The following CHERP variants were observed in gnomAD, a reference collection of about 807,000 sequenced individuals.
CHERP encodes the protein calcium homeostasis endoplasmic reticulum protein.
A neutral mutation model predicts 113.8 loss-of-function variants in CHERP; 8 were observed. That is an observed-to-expected ratio of 0.07 (90% confidence interval 0.04 to 0.13). The LOEUF is 0.13. Ranked by LOEUF, CHERP falls within the 10% of genes least tolerant of loss-of-function variation. CHERP has a pLI of 1.00. For missense variants in CHERP, 884 were observed against 1,298.2 expected, an observed-to-expected ratio of 0.68 and a Z score of 4.90; for synonymous variants, 559 against 524.5, an observed-to-expected ratio of 1.07 and a Z score of -0.90.
At chr19:16,540,860 G>C (rs1189005747) in intron 2 of CHERP, among the ~76,000 whole-genome samples, 1 of 148,676 alleles carries the variant, frequency 6.7e-6, no homozygotes, top group Admixed American at 6.7e-5. Flanking sequence ...ACCACACCCG[G>C]CTAATTTTTG....
chr19:16,519,387 G>A lies in CHERP; in HGVS notation c.2558-35C>T. The A allele has an allele frequency of 3.1e-6, 5 of 1,596,670 alleles. No individual in the cohort carries two copies. The highest frequency in any genetic ancestry group is 4.3e-6 in the Non-Finnish European group (5 of 1,172,250). On this transcript the variant is annotated intron_variant, in intron 16 of 16. Coordinates refer to ENST00000546361, the MANE Select transcript of CHERP (RefSeq NM_006387.6). This position sits in a 1 kb window ranked among gnomAD's most constrained non-coding sequence, Gnocchi z 6.0. ...GAGACGCAGTCACAACCACAACAAG[G>A]CGGAGGCAGATGGGGGTGCACGTGG...
Position 16,535,131 on chromosome 19 carries a change from G to A in CHERP, c.384+321C>T, listed in dbSNP as rs1195675700. On this transcript the variant is annotated intron_variant, in intron 3 of 16. Transcript: ENST00000546361. This position sits in a 1 kb window ranked among gnomAD's most constrained non-coding sequence, Gnocchi z 4.3. Reference sequence around the variant, plus strand: ...CAGGTGACCTAGCTACTGTGTGGTGGGGCCAATGGTAGGCACCAGAGGCTG... The same window carrying A: ...CAGGTGACCTAGCTACTGTGTGGTGAGGCCAATGGTAGGCACCAGAGGCTG... Among the ~76,000 whole-genome samples, 1 of 152,204 alleles carries A rather than the reference G, an allele frequency of 6.6e-6. No individual in the cohort carries two copies. The highest frequency in any genetic ancestry group is 1.5e-5 in the Non-Finnish European group (1 of 68,026).
intron 8 of CHERP, among the ~76,000 whole-genome samples, chr19:16,528,669 C>T (rs2085673301): frequency 6.6e-6 from 1 of 152,212 alleles, no homozygotes; most frequent in African/African-American, 2.4e-5. Flanking sequence ...AAATCCTTTG[C>T]TAGGCCGGGT....
chr19:16,529,434 T>G (rs939231153), intron 8 of CHERP, among the ~76,000 whole-genome samples: 2 of 152,194 alleles, frequency 1.3e-5, no homozygotes, highest in Admixed American at 6.5e-5. Context: ...AGGAAACAGA[T>G]CTTCTGCTGT....
At position 16,523,820 on chromosome 19, in the gene CHERP, C is replaced by T. The variant is rs568229603; in HGVS notation, c.1742-530G>A. Among the ~76,000 whole-genome samples, 12 of 152,308 alleles carry T rather than the reference C, an allele frequency of 7.9e-5. No individual in the cohort carries two copies. Among genetic ancestry groups the T allele is most frequent in the African/African-American group, 2.2e-4 (9 of 41,568 alleles). On this transcript the variant is annotated intron_variant, in intron 10 of 16. Transcript: ENST00000546361. This position sits in a 1 kb window ranked among gnomAD's most constrained non-coding sequence, Gnocchi z 4.0. ...ACACCTCCACCTTGGACCTCCAGCCCCCAGATCCTTAAGACAATACATTCC... is the reference window on the plus strand; with the variant it reads ...ACACCTCCACCTTGGACCTCCAGCCTCCAGATCCTTAAGACAATACATTCC...
Position 16,542,356 on chromosome 19 carries a change from T to G in CHERP, c.23A>C (p.Asp8Ala). The G allele has an allele frequency of 7.1e-7, 1 of 1,399,140 alleles. No individual in the cohort carries two copies. Among genetic ancestry groups the G allele is most frequent in the African/African-American group, 1.5e-5 (1 of 66,888 alleles). The allele number at this position is 1,399,140 out of a possible 1,614,324, so 86.7% of individuals were successfully genotyped here. Reference sequence around the variant, plus strand: ...CTCTCGGCCGGTTTGGGTCTCACCATCGGGGGGCAGCGGCATCTCCATGGC... The same window carrying G: ...CTCTCGGCCGGTTTGGGTCTCACCAGCGGGGGGCAGCGGCATCTCCATGGC... The part of the protein sequence containing the change: MEMPLPP[D>A]DQELRNVIDK... The change falls in exon 1 of 17, where the codon GAT becomes GCT. Residue 8 changes from aspartate (D) to alanine (A), a missense_variant and splice_region_variant. By Grantham distance (126) the Asp-to-Ala change is moderately radical. Transcript: ENST00000546361.
chr19:16,539,576 C>T (rs2085764288), intron 2 of CHERP: 1 of 152,180 alleles, frequency 6.6e-6, no homozygotes, highest in Admixed American at 6.6e-5. Context: ...GCATCTCAAA[C>T]CTAAATAGGC....
At chr19:16,533,266 C>T in intron 3 of CHERP, 118 bp from the exon 4 acceptor site, 2 of 950,712 alleles carry the variant, frequency 2.1e-6, no homozygotes, top group Admixed American at 2.5e-5. Flanking sequence ...GGACTCTGGG[C>T]TGCTCTGGCC....
chr19:16,525,531 G>C lies in CHERP; in HGVS notation c.1452C>G (p.Pro484=). The C allele has an allele frequency of 6.5e-7, 1 of 1,547,698 alleles. No individual in the cohort carries two copies. The highest frequency in any genetic ancestry group is 8.7e-7 in the Non-Finnish European group (1 of 1,148,986). ...CGAACTGGCTGTTCCAGGCGGCGTC[G>C]GGCTGGTTGTTCCAGGGCGCGTCGC... The part of the protein sequence containing the change: ...GQRDAPWNNQ[P]DAAWNSQFEG... Residue 484 remains proline, a synonymous_variant, in exon 10 of 17, where the codon CCC becomes CCG. Transcript: ENST00000546361. This position sits in a 1 kb window ranked among gnomAD's most constrained non-coding sequence, Gnocchi z 6.5.
rs563126686 is a variant in CHERP at position 16,531,232 on chromosome 19, G to A, written c.675-352C>T. On this transcript the variant is annotated intron_variant, in intron 5 of 16. Transcript: ENST00000546361. The stretch of plus-strand genomic sequence containing the variant: ...GCGGGAGCCCCTGCCTGTGTATGAT[G>A]GGCGGGATGGGACTGCTGCGGAGTG... Among the ~76,000 whole-genome samples the A allele has an allele frequency of 1.1e-4, 16 of 152,362 alleles. No homozygotes were observed. In the South Asian group the frequency reaches 2.7e-3, roughly 26 times the overall value.
rs958830395 is a variant in CHERP at position 16,535,644 on chromosome 19, G to C, written c.200-8C>G. On this transcript the variant is annotated splice_polypyrimidine_tract_variant and splice_region_variant and intron_variant, in intron 2 of 16. Coordinates refer to ENST00000546361, the MANE Select transcript of CHERP (RefSeq NM_006387.6). This position sits in a 1 kb window ranked among gnomAD's most constrained non-coding sequence, Gnocchi z 4.3. ...TCTGCTGCTTGCAGATGACTGGAGG[G>C]AGAGGAGGAGGGGTGCCCCATGAGA... 2 of 1,501,248 alleles carry C rather than the reference G, an allele frequency of 1.3e-6. No individual in the cohort carries two copies. The highest frequency in any genetic ancestry group is 1.8e-6 in the Non-Finnish European group (2 of 1,126,618). 93.0% of individuals were successfully genotyped at this position (1,501,248 alleles called of 1,614,324 possible).
rs2085592540 is a variant in CHERP at position 16,519,899 on chromosome 19, GC to G, written c.2463-185del. 3.0e-6 allele frequency: 2 copies of G among 670,916 alleles called. No individual in the cohort carries two copies. The highest frequency in any genetic ancestry group is 5.2e-6 in the Non-Finnish European group (2 of 385,276). The allele number at this position is 670,916 out of a possible 1,614,324, so 41.6% of individuals were successfully genotyped here. On this transcript the variant is annotated intron_variant, in intron 15 of 16. Transcript: ENST00000546361. This position sits in a 1 kb window ranked among gnomAD's most constrained non-coding sequence, Gnocchi z 6.0. ...CTAGATAAGGGGGCTCCAGACGCTG[GC>G]CCCCACCCCACGCTCAGCATTGAGA...
At chr19:16,533,333 G>C (rs1378481284) in intron 3 of CHERP, among the ~76,000 whole-genome samples, 185 bp from the exon 4 acceptor site, 3 of 152,184 alleles carry the variant, frequency 2.0e-5, no homozygotes, top group African/African-American at 4.8e-5. Flanking sequence ...TGCCTGCCGT[G>C]AATCTGTGAC....
intron 2 of CHERP, among the ~76,000 whole-genome samples, chr19:16,540,475 C>T (rs1039219960): frequency 7.3e-5 from 11 of 151,550 alleles, no homozygotes; most frequent in African/African-American, 1.2e-4. Context: ...CAGGTTCAAG[C>T]GATTCTTCTG....
At chr19:16,538,414 A>C (rs1173770104) in intron 2 of CHERP, among the ~76,000 whole-genome samples, 1 of 152,146 alleles carries the variant, frequency 6.6e-6, no homozygotes, top group Non-Finnish European at 1.5e-5. Flanking sequence ...GCTGGGTACG[A>C]TGGCTCACGC....
At chr19:16,524,196 G>A (rs1365749058) in intron 10 of CHERP, among the ~76,000 whole-genome samples, 1 of 152,108 alleles carries the variant, frequency 6.6e-6, no homozygotes, top group Non-Finnish European at 1.5e-5. Flanking sequence ...GCAGTGAGCC[G>A]AGACTGTGCC....
chr19:16,533,907 T>C (rs1480833220), intron 3 of CHERP, among the ~76,000 whole-genome samples: 1 of 152,268 alleles, frequency 6.6e-6, no homozygotes, highest in African/African-American at 2.4e-5. Context: ...GGCAATCTCA[T>C]TCCTCAAGAG....
rs2085783061 is a variant in CHERP, at chr19:16,541,951, C to T, written c.118G>A (p.Asp40Asn). The T allele has an allele frequency of 1.2e-6, 2 of 1,614,202 alleles. No homozygotes were observed. The highest frequency in any genetic ancestry group is 1.1e-5 in the South Asian group (1 of 91,080). Residue 40 changes from aspartate to asparagine, a missense_variant, in exon 2 of 17, where the codon GAC becomes AAC. Coordinates refer to ENST00000546361, the MANE Select transcript of CHERP (RefSeq NM_006387.6). ...FEKMTMEKQK[D>N]NPKFSFLFGG... ...AAAAGAAACGAGAATTTGGGGTTGT[C>T]CTTCTGCTTCTCCATAGTCATCTTC... is the stretch of plus-strand genomic sequence containing the variant.
chr19:16,539,308 T>C (rs12460955), intron 2 of CHERP, among the ~76,000 whole-genome samples: 51,525 of 151,146 alleles, frequency 0.34, 9,678 homozygotes, highest in African/African-American at 0.51. Flanking sequence ...CTACCACGCC[T>C]GGCTAATTTT....
Sources: allele counts gnomAD v4.1 joint callset (sites outside exome capture counted in the v4.1 genomes callset), GRCh38; gene constraint gnomAD v4.1.1; non-coding constraint Gnocchi (gnomAD v3.1); transcripts MANE v1.5; gene names NCBI Gene and HGNC (gene_info 2026-07-23, HGNC 2026-07-21).